Variants in NRXN3 observed in about 807,000 individuals in gnomAD.
NRXN3 encodes the protein neurexin III.
In NRXN3, 32 loss-of-function variants were observed where a neutral mutation model predicts 137.6. The ratio of observed to expected loss-of-function variants is 0.23; its 90% CI spans 0.18 to 0.31. The LOEUF is 0.31. NRXN3 is among the 10% of genes least tolerant of loss of function. NRXN3 has a pLI of 1.00. For missense variants in NRXN3, 1,574 were observed against 2,062.5 expected (o/e 0.76, Z 4.59); for synonymous variants, 798 against 784.5 (o/e 1.02, Z -0.29).
intron 15 of NRXN3, among the ~76,000 whole-genome samples, chr14:79,376,260 A>G (rs200276688): frequency 0.013 from 916 of 72,568 alleles, 62 homozygotes; most frequent in East Asian, 0.11. Context: ...ATATATATAT[A>G]TATATACACA....
At chr14:79,244,008 G>A (rs1157025690) in intron 15 of NRXN3, among the ~76,000 whole-genome samples, 5 of 152,070 alleles carry the variant, frequency 3.3e-5, no homozygotes, top group African/African-American at 2.4e-5. Flanking sequence ...AAAGCTACTT[G>A]TTCTTCAAGG....
intron 15 of NRXN3, among the ~76,000 whole-genome samples, chr14:79,131,080 C>G (rs2057396670): frequency 6.6e-6 from 1 of 152,184 alleles, no homozygotes; most frequent in Non-Finnish European, 1.5e-5. Flanking sequence ...ATATATTCTT[C>G]TAAACTTTTT....
At chr14:79,808,339 A>T (rs2099218255) in intron 20 of NRXN3, among the ~76,000 whole-genome samples, 1 of 151,538 alleles carries the variant, frequency 6.6e-6, no homozygotes, top group South Asian at 2.1e-4. Flanking sequence ...TTAAAATCAG[A>T]AATCAGTTTC....
At chr14:79,376,256 A>C in intron 15 of NRXN3, among the ~76,000 whole-genome samples, 1 of 73,548 alleles carries the variant, frequency 1.4e-5, no homozygotes, top group African/African-American at 4.0e-5. Context: ...ATATATATAT[A>C]TATATATATA....
At chr14:78,888,565 G>A (rs1207779919) in intron 10 of NRXN3, among the ~76,000 whole-genome samples, 2 of 152,022 alleles carry the variant, frequency 1.3e-5, no homozygotes, top group Non-Finnish European at 2.9e-5. Context: ...GCATGGAGAA[G>A]TGCCGAGCAG....
At chr14:78,181,626 G>C (rs553448121) in intron 1 of NRXN3, among the ~76,000 whole-genome samples, 1 of 152,134 alleles carries the variant, frequency 6.6e-6, no homozygotes, top group African/African-American at 2.4e-5. Context: ...AAATTCGGCA[G>C]ACTGCCTTCT....
At chr14:79,534,215 G>A (rs1446081946) in intron 16 of NRXN3, among the ~76,000 whole-genome samples, 1 of 152,090 alleles carries the variant, frequency 6.6e-6, no homozygotes, top group Non-Finnish European at 1.5e-5. Context: ...TCTAGCCATC[G>A]GCATGAATGT....
rs142588595 is a variant in NRXN3 at position 79,147,237 on chromosome 14, A to G, written c.3262+159096A>G. ...GCAGCTCCGGGGAGAGCTGACGTTG[A>G]ATGCTTATGCTCCTCTCTGTTGTAA... On this transcript the variant is annotated intron_variant, in intron 15 of 20. Transcript: ENST00000335750. Among the ~76,000 whole-genome samples the G allele has an allele frequency of 1.5e-3, 221 of 152,300 alleles. 1 individual carries two copies. The highest frequency in any genetic ancestry group is 5.1e-3 in the African/African-American group (214 of 41,572).
At chr14:79,049,018 G>T (rs2099637326) in intron 15 of NRXN3, among the ~76,000 whole-genome samples, 1 of 72,760 alleles carries the variant, frequency 1.4e-5, no homozygotes, top group Non-Finnish European at 2.3e-5. Flanking sequence ...GCGAAACTCC[G>T]TCTCAAAAAA....
intron 15 of NRXN3, among the ~76,000 whole-genome samples, chr14:79,152,503 A>G (rs1452099981): frequency 6.6e-6 from 1 of 151,962 alleles, no homozygotes; most frequent in Non-Finnish European, 1.5e-5. Flanking sequence ...CATATCCAAA[A>G]CTCGGTAATT....
chr14:78,539,425 A>T (rs898599088), intron 4 of NRXN3, among the ~76,000 whole-genome samples: 2 of 152,062 alleles, frequency 1.3e-5, no homozygotes, highest in East Asian at 3.8e-4. Flanking sequence ...GTATTCTCTG[A>T]TGGTAGTTTG....
chr14:78,683,189 A>G (rs375484634), intron 6 of NRXN3, among the ~76,000 whole-genome samples: 12 of 152,354 alleles, frequency 7.9e-5, no homozygotes, highest in African/African-American at 2.6e-4. Flanking sequence ...TATTAGGTTA[A>G]GTAAAATGTA....
chr14:78,469,842 T>A (rs2095222575), intron 4 of NRXN3, among the ~76,000 whole-genome samples: 1 of 152,236 alleles, frequency 6.6e-6, no homozygotes, highest in African/African-American at 2.4e-5. Flanking sequence ...GAGATCTCAG[T>A]ATTTGTTTTC....
At chr14:79,163,467 G>T (rs763771638) in intron 15 of NRXN3, among the ~76,000 whole-genome samples, 2 of 151,946 alleles carry the variant, frequency 1.3e-5, no homozygotes, top group Non-Finnish European at 2.9e-5. Context: ...ATATTCTAAT[G>T]AAGTCATTGG....
intron 15 of NRXN3, among the ~76,000 whole-genome samples, chr14:79,162,440 G>A (rs982888790): frequency 1.3e-5 from 2 of 151,632 alleles, no homozygotes; most frequent in African/African-American, 2.4e-5. Context: ...ATGATTTCCA[G>A]TTTCATCCAT....
intron 6 of NRXN3, among the ~76,000 whole-genome samples, chr14:78,659,517 A>G (rs1166529634): frequency 6.6e-6 from 1 of 152,000 alleles, no homozygotes; most frequent in Admixed American, 6.6e-5. Context: ...TGTGTGTACA[A>G]AAAACATAAA....
At chr14:78,729,458 G>T (rs2098503883) in intron 8 of NRXN3, among the ~76,000 whole-genome samples, 1 of 152,130 alleles carries the variant, frequency 6.6e-6, no homozygotes, top group African/African-American at 2.4e-5. Context: ...AAATACATTG[G>T]GATGGAAGCT....
chr14:79,123,216 C>CGT (rs938127376), intron 15 of NRXN3, among the ~76,000 whole-genome samples: 26 of 151,758 alleles, frequency 1.7e-4, no homozygotes, highest in Admixed American at 1.1e-3. Context: ...GCTGTGTGTG[C>CGT]GTGTGTGTGT....
intron 6 of NRXN3, among the ~76,000 whole-genome samples, chr14:78,704,084 G>C (rs1006584394): frequency 6.6e-6 from 1 of 152,214 alleles, no homozygotes; most frequent in Non-Finnish European, 1.5e-5. Flanking sequence ...TAAGATGGCA[G>C]AGGGAGAGAA....
Sources: gnomAD v4.1 joint callset for allele counts (sites outside exome capture counted in the v4.1 genomes callset) on GRCh38, gnomAD v4.1.1 for gene constraint, MANE v1.5 for transcripts, NCBI Gene and HGNC (gene_info 2026-07-23, HGNC 2026-07-21) for gene names.